The following FAM135B variants were observed in gnomAD, a reference collection of about 807,000 sequenced individuals.
FAM135B encodes the protein protein FAM135B.
In FAM135B, 43 loss-of-function variants were observed where a neutral mutation model predicts 127.7. The observed-to-expected ratio is 0.34, with a 90% CI of 0.26 to 0.43. FAM135B has a LOEUF of 0.43. FAM135B is among the 20% of genes least tolerant of loss of function. The pLI is 1.00. For synonymous variants in FAM135B, 670 were observed against 665.1 expected (o/e 1.01, Z -0.11); for missense variants, 1,558 against 1,725.6 (o/e 0.90, Z 1.72).
At chr8:138,365,824 A>G (rs546550382) in intron 2 of FAM135B, among the ~76,000 whole-genome samples, 2 of 152,320 alleles carry the variant, frequency 1.3e-5, no homozygotes, top group African/African-American at 2.4e-5. Context: ...GTATTTTGCA[A>G]TGTCAGTCTG....
intron 1 of FAM135B, among the ~76,000 whole-genome samples, chr8:138,434,269 T>C (rs2131519054): frequency 6.6e-6 from 1 of 152,342 alleles, no homozygotes; most frequent in South Asian, 2.1e-4. Flanking sequence ...TCTAATGTTG[T>C]TTCTGAATCT....
At position 138,153,374 on chromosome 8, in the gene FAM135B, C is replaced by T. The variant is rs142806125; in HGVS notation, c.1259-158G>A. 2.9e-3 allele frequency among the ~76,000 whole-genome samples: 447 copies of T among 152,248 alleles called. 1 individual carries two copies. The highest frequency in any genetic ancestry group is 9.2e-3 in the African/African-American group (383 of 41,542). On this transcript the variant is annotated intron_variant, in intron 12 of 19. Transcript: ENST00000395297. Reference sequence around the variant, plus strand: ...TCCAGTCTACAGCTCCCAGTGTGAGCGATGCAGAAGACGGGTGATTTCTGC... The same window carrying T: ...TCCAGTCTACAGCTCCCAGTGTGAGTGATGCAGAAGACGGGTGATTTCTGC...
At chr8:138,373,801 T>A (rs138651328) in intron 1 of FAM135B, among the ~76,000 whole-genome samples, 6,754 of 152,062 alleles carry the variant, frequency 0.044, 262 homozygotes, top group East Asian at 0.17. Context: ...TAAGCCCCAG[T>A]CTCCCGTAGC....
At chr8:138,345,210 T>G (rs1031830245) in intron 2 of FAM135B, among the ~76,000 whole-genome samples, 1 of 151,812 alleles carries the variant, frequency 6.6e-6, no homozygotes, top group African/African-American at 2.4e-5. Flanking sequence ...AACAGAGGAG[T>G]TGATGGATGA....
chr8:138,189,353 C>T (rs2131065549), intron 9 of FAM135B, among the ~76,000 whole-genome samples: 1 of 152,324 alleles, frequency 6.6e-6, no homozygotes, highest in African/African-American at 2.4e-5. Flanking sequence ...TCAATTCATT[C>T]ACCATCCTTC....
intron 3 of FAM135B, chr8:138,309,170 G>T: frequency 6.8e-6 from 2 of 295,868 alleles, no homozygotes; most frequent in Non-Finnish European, 1.4e-5. Flanking sequence ...TATGGACACT[G>T]GTTCACGCAG....
chr8:138,436,772 C>T (rs553958039), intron 1 of FAM135B: 318 of 152,312 alleles, frequency 2.1e-3, no homozygotes, highest in African/African-American at 6.4e-3. Context: ...TTATAAGGGC[C>T]ATGCAACCTT....
intron 2 of FAM135B, among the ~76,000 whole-genome samples, chr8:138,338,977 G>A (rs1828829055): frequency 6.6e-6 from 1 of 151,860 alleles, no homozygotes; most frequent in Admixed American, 6.6e-5. Context: ...GGATGAAGCT[G>A]GAAACCATCA....
At chr8:138,438,214 C>T (rs1835564332) in intron 1 of FAM135B, 4 of 151,992 alleles carry the variant, frequency 2.6e-5, no homozygotes, top group Admixed American at 2.6e-4. Flanking sequence ...ATAATTATTA[C>T]TCAAGGGGCT....
At chr8:138,373,811 C>T (rs568801514) in intron 1 of FAM135B, among the ~76,000 whole-genome samples, 12 of 152,160 alleles carry the variant, frequency 7.9e-5, no homozygotes, top group Admixed American at 1.3e-4. Flanking sequence ...TCTCCCGTAG[C>T]GCTCCCAGGC....
intron 1 of FAM135B, among the ~76,000 whole-genome samples, chr8:138,380,211 T>TC (rs1425742770): frequency 1.3e-5 from 2 of 152,030 alleles, no homozygotes; most frequent in South Asian, 2.1e-4. Context: ...TTTCTTTCTT[T>TC]TTTTGAGACA....
At chr8:138,135,662 A>T (rs1816594669) in intron 19 of FAM135B, among the ~76,000 whole-genome samples, 1 of 152,174 alleles carries the variant, frequency 6.6e-6, no homozygotes, top group Non-Finnish European at 1.5e-5. Flanking sequence ...TCCTCCAATA[A>T]TACCACTACT....
At chr8:138,427,657 T>C (rs986507543) in intron 1 of FAM135B, among the ~76,000 whole-genome samples, 3 of 152,118 alleles carry the variant, frequency 2.0e-5, no homozygotes, top group Non-Finnish European at 4.4e-5. Context: ...CTACATTGTT[T>C]AGAAAACCAT....
chr8:138,182,577 A>G (rs912467784), intron 9 of FAM135B, among the ~76,000 whole-genome samples: 6 of 152,216 alleles, frequency 3.9e-5, no homozygotes, highest in African/African-American at 1.4e-4. Flanking sequence ...CATACAGTCC[A>G]GGAAGAGGTG....
Position 138,175,116 on chromosome 8 carries a change from T to C in FAM135B, c.1103+2231A>G, listed in dbSNP as rs146711927. On this transcript the variant is annotated intron_variant, in intron 11 of 19. Transcript: ENST00000395297. ...GTTACAGAATTAAGATTTCAAATCG[T>C]GTATATAAGATTTGAAATGCCAAGG... 2.6e-5 allele frequency among the ~76,000 whole-genome samples: 4 copies of C among 152,338 alleles called. No homozygotes were observed. The East Asian group carries it at 7.7e-4, about 29-fold the overall frequency.
At chr8:138,211,929 G>A (rs192741014) in intron 7 of FAM135B, among the ~76,000 whole-genome samples, 272 of 152,146 alleles carry the variant, frequency 1.8e-3, no homozygotes, top group African/African-American at 6.1e-3. Flanking sequence ...TTAGCCAGGC[G>A]TAATGGTGCA....
intron 1 of FAM135B, among the ~76,000 whole-genome samples, chr8:138,458,111 C>T (rs933772002): frequency 3.9e-5 from 6 of 152,164 alleles, no homozygotes; most frequent in Admixed American, 1.3e-4. Context: ...GAGATCACGC[C>T]GCTGCACTCC....
intron 15 of FAM135B, among the ~76,000 whole-genome samples, chr8:138,143,396 G>A (rs769473085): frequency 3.9e-5 from 6 of 152,176 alleles, no homozygotes; most frequent in Non-Finnish European, 7.3e-5. Context: ...GCGTGTCAGC[G>A]TGACACTGGG....
intron 13 of FAM135B, among the ~76,000 whole-genome samples, chr8:138,150,601 G>T (rs1413144592): frequency 6.6e-6 from 1 of 152,136 alleles, no homozygotes; most frequent in Non-Finnish European, 1.5e-5. Flanking sequence ...CCAGCAGGCG[G>T]AGGCTGCAGT....
Sources: gnomAD v4.1 joint callset for allele counts (sites outside exome capture counted in the v4.1 genomes callset) on GRCh38, gnomAD v4.1.1 for gene constraint, MANE v1.5 for transcripts, NCBI Gene and HGNC (gene_info 2026-07-23, HGNC 2026-07-21) for gene names.